PCDH9: variants seen among roughly 807,000 people sequenced by gnomAD.
PCDH9 encodes the protein protocadherin-9.
Under a neutral mutation model 70.6 loss-of-function variants are expected in PCDH9, and 24 were observed. That is an observed-to-expected ratio of 0.34 (90% CI 0.25 to 0.48). The LOEUF (loss-of-function observed/expected upper bound fraction) is 0.48, where lower values mean the gene tolerates loss of function less well. Among genes scored for constraint, PCDH9 ranks in the 20% least tolerant of loss-of-function variants. The probability of loss-of-function intolerance (pLI) is 0.99; values close to 1 mark genes in which losing one functional copy is unlikely to be tolerated. For synonymous variants in PCDH9, 562 were observed against 558.5 expected (o/e 1.01, Z -0.09); for missense variants, 1,281 against 1,503.6 (o/e 0.85, Z 2.45).
chr13:67,168,942 T>C (rs1280724194), intron 2 of PCDH9, among the ~76,000 whole-genome samples: 1 of 152,232 alleles, frequency 6.6e-6, no homozygotes, highest in Admixed American at 6.5e-5. Context: ...TCTGGACTCA[T>C]ATGATTATGA....
intron 3 of PCDH9, among the ~76,000 whole-genome samples, chr13:66,697,066 C>T (rs2078573607): frequency 6.6e-6 from 1 of 151,978 alleles, no homozygotes; most frequent in African/African-American, 2.4e-5. Flanking sequence ...CCACTGCACT[C>T]TAGCCTAGGC....
intron 3 of PCDH9, among the ~76,000 whole-genome samples, chr13:66,683,537 A>G: frequency 6.6e-6 from 1 of 152,212 alleles, no homozygotes; most frequent in East Asian, 1.9e-4. Context: ...AGCAACAGCT[A>G]GCACTCACTA....
At chr13:67,138,680 G>T (rs986290444) in intron 2 of PCDH9, among the ~76,000 whole-genome samples, 2 of 152,126 alleles carry the variant, frequency 1.3e-5, no homozygotes, top group Non-Finnish European at 2.9e-5. Flanking sequence ...GCCTGCGCCC[G>T]CATTGTGGAG....
intron 3 of PCDH9, among the ~76,000 whole-genome samples, chr13:66,712,088 AG>A (rs1370624963): frequency 6.6e-6 from 1 of 152,198 alleles, no homozygotes; most frequent in Non-Finnish European, 1.5e-5. Context: ...ACAGTTATAT[AG>A]ATAGCTATTA....
rs1358160504 is a variant in PCDH9 at position 67,189,308 on chromosome 13, C to T, written c.3036+36097G>A. Reference sequence around the variant, plus strand: ...TCTTAATTTAAAAAGCATACTGTAACTTTCAAGATTTTTTATTCTTTTTAC... The same window carrying T: ...TCTTAATTTAAAAAGCATACTGTAATTTTCAAGATTTTTTATTCTTTTTAC... On this transcript the variant is annotated intron_variant, in intron 2 of 4. Transcript: ENST00000377865. 1.3e-4 allele frequency among the ~76,000 whole-genome samples: 19 copies of T among 151,890 alleles called. 1 individual carries two copies. Among genetic ancestry groups the T allele is most frequent in the Admixed American group, 1.2e-3 (19 of 15,210 alleles).
At chr13:67,083,441 A>G (rs1377772242) in intron 2 of PCDH9, among the ~76,000 whole-genome samples, 1 of 152,188 alleles carries the variant, frequency 6.6e-6, no homozygotes, top group Non-Finnish European at 1.5e-5. Context: ...TATCAATTTA[A>G]AAAGTCAACT....
At chr13:66,580,820 C>T (rs559116264) in intron 4 of PCDH9, among the ~76,000 whole-genome samples, 96 of 152,076 alleles carry the variant, frequency 6.3e-4, no homozygotes, top group African/African-American at 2.2e-3. Flanking sequence ...ATAATTTTGA[C>T]AATTCTTCCC....
intron 3 of PCDH9, among the ~76,000 whole-genome samples, chr13:66,638,798 T>C (rs1463819184): frequency 2.6e-5 from 4 of 152,202 alleles, no homozygotes; most frequent in African/African-American, 9.6e-5. Flanking sequence ...GTGTGATTTC[T>C]CACGGGAAAA....
intron 4 of PCDH9, among the ~76,000 whole-genome samples, chr13:66,362,647 C>T (rs1273668306): frequency 6.6e-6 from 1 of 151,976 alleles, no homozygotes; most frequent in Non-Finnish European, 1.5e-5. Context: ...TCTCTTTCTT[C>T]TTCTTTGTCT....
chr13:66,726,458 A>C (rs1393403183), intron 3 of PCDH9, among the ~76,000 whole-genome samples: 1 of 147,212 alleles, frequency 6.8e-6, no homozygotes, highest in African/African-American at 2.7e-5. Context: ...GAATCTGTTT[A>C]AAGCATAACA....
chr13:66,362,794 A>G (rs1178648539), intron 4 of PCDH9, among the ~76,000 whole-genome samples: 1 of 152,174 alleles, frequency 6.6e-6, no homozygotes, highest in Non-Finnish European at 1.5e-5. Flanking sequence ...AAGGATCATT[A>G]TATCAGGCTC....
At chr13:66,462,606 G>A (rs889338426) in intron 4 of PCDH9, among the ~76,000 whole-genome samples, 1 of 151,732 alleles carries the variant, frequency 6.6e-6, no homozygotes, top group African/African-American at 2.4e-5. Context: ...GACTTACTTG[G>A]TCTGAAATAT....
chr13:66,390,698 T>C (rs1417938605), intron 4 of PCDH9, among the ~76,000 whole-genome samples: 1 of 149,766 alleles, frequency 6.7e-6, no homozygotes, highest in African/African-American at 2.5e-5. Context: ...ATCATGCCAC[T>C]GCACTCCAGC....
At chr13:66,518,011 A>T (rs1959819103) in intron 4 of PCDH9, among the ~76,000 whole-genome samples, 1 of 152,010 alleles carries the variant, frequency 6.6e-6, no homozygotes, top group Non-Finnish European at 1.5e-5. Flanking sequence ...GAAATACCTG[A>T]GATTGGGTAA....
intron 4 of PCDH9, among the ~76,000 whole-genome samples, chr13:66,539,065 A>C (rs1447324375): frequency 1.3e-5 from 2 of 152,142 alleles, no homozygotes; most frequent in Non-Finnish European, 2.9e-5. Context: ...AAAAATGTAC[A>C]ACAAAATATA....
intron 2 of PCDH9, among the ~76,000 whole-genome samples, chr13:66,916,219 T>A (rs898488783): frequency 6.6e-6 from 1 of 151,618 alleles, no homozygotes; most frequent in Non-Finnish European, 1.5e-5. Context: ...AAATTATATG[T>A]TGACATCCTT....
At chr13:66,694,494 C>T (rs1274021660) in intron 3 of PCDH9, among the ~76,000 whole-genome samples, 2 of 152,086 alleles carry the variant, frequency 1.3e-5, no homozygotes, top group Admixed American at 1.3e-4. Context: ...GCTACTCTCA[C>T]ACAAACGTAC....
At chr13:66,609,205 T>C (rs1297636868) in intron 4 of PCDH9, among the ~76,000 whole-genome samples, 1 of 152,204 alleles carries the variant, frequency 6.6e-6, no homozygotes, top group Non-Finnish European at 1.5e-5. Flanking sequence ...CAGGAATGTC[T>C]ATCTGCCTGC....
intron 4 of PCDH9, among the ~76,000 whole-genome samples, chr13:66,554,819 G>GA (rs923559960): frequency 3.3e-5 from 5 of 152,008 alleles, no homozygotes; most frequent in Non-Finnish European, 5.9e-5. Context: ...AATGGCCTTA[G>GA]AAAAAAATAA....
Sources: allele counts gnomAD v4.1 joint callset (sites outside exome capture counted in the v4.1 genomes callset), GRCh38; gene constraint gnomAD v4.1.1; transcripts MANE v1.5; gene names NCBI Gene and HGNC (gene_info 2026-07-23, HGNC 2026-07-21).